Variants in ERC2 observed in about 807,000 individuals in gnomAD.
ERC2 encodes ERC protein 2.
ERC2 carries 42 observed loss-of-function variants against 114.8 expected under a neutral mutation model. That is an observed-to-expected ratio of 0.37 (90% CI 0.29 to 0.47). The LOEUF is 0.47. ERC2 is among the 20% of genes least tolerant of loss of function. The probability of loss-of-function intolerance (pLI) is 0.99; values close to 1 mark genes in which losing one functional copy is unlikely to be tolerated. For synonymous variants in ERC2, 454 were observed against 425.5 expected (o/e 1.07, Z -0.82); for missense variants, 939 against 1,150.7 (o/e 0.82, Z 2.66).
intron 14 of ERC2, among the ~76,000 whole-genome samples, chr3:55,828,478 CAGCAGGG>C (rs2060428217): frequency 2.6e-5 from 4 of 151,324 alleles, no homozygotes; most frequent in African/African-American, 9.7e-5. Context: ...GCAGCAGGGG[CAGCAGGG>C]GCAGCAGGGG....
intron 14 of ERC2, among the ~76,000 whole-genome samples, chr3:55,802,609 G>A (rs923474475): frequency 6.6e-6 from 1 of 152,124 alleles, no homozygotes; most frequent in Non-Finnish European, 1.5e-5. Flanking sequence ...GGTTTTCATG[G>A]TTACCTACAA....
chr3:56,087,276 A>G (rs760362613), intron 6 of ERC2, among the ~76,000 whole-genome samples: 68 of 151,898 alleles, frequency 4.5e-4, no homozygotes, highest in Admixed American at 4.0e-4. Flanking sequence ...AACATAAAAC[A>G]TTTGTTTTCA....
At chr3:56,299,616 G>A (rs2055727553) in intron 2 of ERC2, among the ~76,000 whole-genome samples, 1 of 151,866 alleles carries the variant, frequency 6.6e-6, no homozygotes, top group Admixed American at 6.6e-5. Flanking sequence ...TTTTTGTAGA[G>A]ATGAGGTATC....
intron 14 of ERC2, among the ~76,000 whole-genome samples, chr3:55,742,070 C>CA (rs79529515): frequency 0.062 from 9,140 of 147,540 alleles, 622 homozygotes; most frequent in Admixed American, 0.22. Flanking sequence ...AATAAAACAC[C>CA]AAAAAAAATG....
chr3:56,216,062 C>A (rs12638778), intron 3 of ERC2, among the ~76,000 whole-genome samples: 242 of 151,918 alleles, frequency 1.6e-3, no homozygotes, highest in African/African-American at 5.4e-3. Flanking sequence ...AAATTGACAC[C>A]CTAACATCAC....
chr3:55,819,771 C>T (rs757375405), intron 14 of ERC2, among the ~76,000 whole-genome samples: 3 of 152,180 alleles, frequency 2.0e-5, no homozygotes, highest in Non-Finnish European at 4.4e-5. Flanking sequence ...TGGCCATGCA[C>T]AGAAGCCTTC....
chr3:55,558,154 T>C (rs138051334), intron 17 of ERC2, among the ~76,000 whole-genome samples: 3 of 152,378 alleles, frequency 2.0e-5, no homozygotes, highest in African/African-American at 4.8e-5. Flanking sequence ...CTAGTCACAG[T>C]TGCAAGTTAA....
At chr3:55,858,307 CA>C (rs1321426571) in intron 14 of ERC2, among the ~76,000 whole-genome samples, 2 of 152,154 alleles carry the variant, frequency 1.3e-5, no homozygotes, top group African/African-American at 4.8e-5. Flanking sequence ...TTATATATTA[CA>C]TGTCTTTGTT....
intron 3 of ERC2, among the ~76,000 whole-genome samples, chr3:56,276,531 C>G (rs1469565089): frequency 4.7e-5 from 7 of 149,266 alleles, no homozygotes; most frequent in Admixed American, 2.0e-4. Context: ...AAAATTAGTT[C>G]AAGTTGAATA....
At chr3:55,670,163 G>A (rs1181708328) in intron 17 of ERC2, among the ~76,000 whole-genome samples, 1 of 152,212 alleles carries the variant, frequency 6.6e-6, no homozygotes, top group Non-Finnish European at 1.5e-5. Flanking sequence ...GAAATTCAGA[G>A]AGATTAAATA....
At chr3:55,788,435 A>C (rs2069691083) in intron 14 of ERC2, among the ~76,000 whole-genome samples, 1 of 152,222 alleles carries the variant, frequency 6.6e-6, no homozygotes, top group Admixed American at 6.5e-5. Flanking sequence ...ATGGGAGGAC[A>C]ACAGGCAATT....
intron 17 of ERC2, among the ~76,000 whole-genome samples, chr3:55,616,193 T>C (rs1432371791): frequency 6.6e-6 from 1 of 152,166 alleles, no homozygotes; most frequent in Non-Finnish European, 1.5e-5. Flanking sequence ...AAAGGTCAGA[T>C]TGAGAATAAA....
intron 17 of ERC2, among the ~76,000 whole-genome samples, chr3:55,672,736 A>T (rs548693033): frequency 6.6e-6 from 1 of 152,296 alleles, no homozygotes; most frequent in Admixed American, 6.5e-5. Flanking sequence ...AGGCCCCCTC[A>T]GTGTTTGTCA....
rs143730338 is a variant in ERC2, at chr3:55,561,501, T to G, written c.*40-50225A>C. ...CATTTGTCAGAACTTAATTTGAAACTGAAAGCTAAACCATGCCTGCACATC... is the reference window on the plus strand; with the variant it reads ...CATTTGTCAGAACTTAATTTGAAACGGAAAGCTAAACCATGCCTGCACATC... On this transcript the variant is annotated intron_variant, in intron 17 of 17. Transcript: ENST00000288221. 3.2e-3 allele frequency among the ~76,000 whole-genome samples: 487 copies of G among 152,296 alleles called. 3 individuals carry two copies. The highest frequency in any genetic ancestry group is 0.011 in the African/African-American group (461 of 41,576).
chr3:56,003,267 G>C (rs1476760034), intron 10 of ERC2: 6 of 508,368 alleles, frequency 1.2e-5, no homozygotes, highest in Admixed American at 4.1e-5. Flanking sequence ...AGAAATTTCA[G>C]TTTCTAAACA....
chr3:56,169,521 C>T (rs531193756), intron 4 of ERC2, among the ~76,000 whole-genome samples: 31 of 152,120 alleles, frequency 2.0e-4, no homozygotes, highest in African/African-American at 4.3e-4. Context: ...TAGCCATTTG[C>T]TCACAGGCAG....
chr3:55,955,502 T>A lies in ERC2; in HGVS notation c.2268-4942A>T, dbSNP rs376822057. ...CATGGAATCATATCGTACATAACCT[T>A]TTGTATCTGTCATCTTTTGCTTAGC... On this transcript the variant is annotated intron_variant, in intron 12 of 17. Transcript: ENST00000288221. Among the ~76,000 whole-genome samples, 39 of 152,228 alleles carry A rather than the reference T, an allele frequency of 2.6e-4. 1 individual carries two copies. The highest frequency in any genetic ancestry group is 1.1e-3 in the Admixed American group (17 of 15,284).
At chr3:56,396,066 G>T (rs1453325719) in intron 2 of ERC2, among the ~76,000 whole-genome samples, 1 of 152,208 alleles carries the variant, frequency 6.6e-6, no homozygotes, top group Non-Finnish European at 1.5e-5. Flanking sequence ...TGGAAAATTT[G>T]TGGTTAATGA....
intron 3 of ERC2, among the ~76,000 whole-genome samples, chr3:56,219,292 A>C (rs886795467): frequency 6.6e-6 from 1 of 152,102 alleles, no homozygotes; most frequent in African/African-American, 2.4e-5. Context: ...ATTTAAGAAA[A>C]TAAAATAAAT....
Sources: gnomAD v4.1 joint callset for allele counts (sites outside exome capture counted in the v4.1 genomes callset) on GRCh38, gnomAD v4.1.1 for gene constraint, MANE v1.5 for transcripts, NCBI Gene and HGNC (gene_info 2026-07-23, HGNC 2026-07-21) for gene names.